KIF16B: variants seen among roughly 807,000 people sequenced by gnomAD.
The protein encoded by KIF16B is kinesin family member 16B.
A neutral mutation model predicts 156.3 loss-of-function variants in KIF16B; 98 were observed. The ratio of observed to expected loss-of-function variants is 0.63; its 90% confidence interval spans 0.53 to 0.74. The LOEUF (loss-of-function observed/expected upper bound fraction) is 0.74, where lower values mean the gene tolerates loss of function less well. Ranked by LOEUF, KIF16B falls within the 30% of genes least tolerant of loss-of-function variation. KIF16B has a pLI of 0.00. For missense variants in KIF16B, 1,421 were observed against 1,606.5 expected (o/e 0.88, Z 1.97); for synonymous variants, 564 against 583.7 (o/e 0.97, Z 0.49).
chr20:16,336,262 T>G (rs2064034805), intron 23 of KIF16B, among the ~76,000 whole-genome samples: 1 of 152,204 alleles, frequency 6.6e-6, no homozygotes, highest in South Asian at 2.1e-4. Flanking sequence ...GGGCAGATGG[T>G]CATCTCTTAA....
At chr20:16,432,442 CTAAACATA>C (rs2066527216) in intron 12 of KIF16B, among the ~76,000 whole-genome samples, 1 of 152,136 alleles carries the variant, frequency 6.6e-6, no homozygotes, top group South Asian at 2.1e-4. Context: ...CAACACAGCC[CTAAACATA>C]AATACGATTC....
intron 12 of KIF16B, among the ~76,000 whole-genome samples, chr20:16,465,767 TA>T (rs11484109): frequency 1.5e-3 from 222 of 146,986 alleles, no homozygotes; most frequent in Middle Eastern, 7.0e-3. Flanking sequence ...TCCTCTCACT[TA>T]AAAAAAAAAA....
intron 25 of KIF16B, among the ~76,000 whole-genome samples, chr20:16,300,808 G>A (rs2063460867): frequency 6.6e-6 from 1 of 152,162 alleles, no homozygotes; most frequent in African/African-American, 2.4e-5. Flanking sequence ...TGGCATATTT[G>A]TTAGGACTGA....
At chr20:16,303,552 A>C (rs1190304167) in intron 25 of KIF16B, among the ~76,000 whole-genome samples, 1 of 152,202 alleles carries the variant, frequency 6.6e-6, no homozygotes, top group Non-Finnish European at 1.5e-5. Flanking sequence ...TCTCATTTTG[A>C]ATTTTTTTGT....
At chr20:16,447,168 C>T (rs1600420171) in intron 12 of KIF16B, among the ~76,000 whole-genome samples, 1 of 152,044 alleles carries the variant, frequency 6.6e-6, no homozygotes, top group Non-Finnish European at 1.5e-5. Context: ...TAGATGTGGG[C>T]CACGTAGAAC....
At chr20:16,404,756 G>A in intron 17 of KIF16B, 57 bp downstream of exon 17, 1 of 1,313,222 alleles carries the variant, frequency 7.6e-7, no homozygotes, top group Non-Finnish European at 1.1e-6. Context: ...TAATGGAGTT[G>A]GCACAATAAA....
chr20:16,367,866 C>T, intron 22 of KIF16B: 1 of 1,568,272 alleles, frequency 6.4e-7, no homozygotes, highest in South Asian at 1.2e-5. Context: ...ATACAGTGAG[C>T]AGAAGACCCT....
At chr20:16,488,771 A>G (rs1473882638) in intron 12 of KIF16B, among the ~76,000 whole-genome samples, 2 of 152,192 alleles carry the variant, frequency 1.3e-5, no homozygotes, top group African/African-American at 2.4e-5. Context: ...CCCAGTTCCA[A>G]GAGAATCACT....
At chr20:16,373,794 C>A (rs1311393906) in intron 20 of KIF16B, among the ~76,000 whole-genome samples, 1 of 152,254 alleles carries the variant, frequency 6.6e-6, no homozygotes, top group African/African-American at 2.4e-5. Flanking sequence ...CAGGTTTGAA[C>A]AGCACATGTC....
intron 17 of KIF16B, 121 bp downstream of exon 17, chr20:16,404,692 G>T: frequency 1.5e-6 from 1 of 685,298 alleles, no homozygotes; most frequent in Non-Finnish European, 2.6e-6. Context: ...AATGACGGTG[G>T]CTGATTTGAT....
chr20:16,290,264 G>C (rs1033996823), intron 25 of KIF16B, among the ~76,000 whole-genome samples: 2 of 152,198 alleles, frequency 1.3e-5, no homozygotes, highest in Admixed American at 1.3e-4. Context: ...AGGAGTAGTT[G>C]TACATTATTT....
At chr20:16,446,285 T>C (rs2066928837) in intron 12 of KIF16B, among the ~76,000 whole-genome samples, 1 of 152,242 alleles carries the variant, frequency 6.6e-6, no homozygotes, top group African/African-American at 2.4e-5. Context: ...ATGAGAACAA[T>C]GCCAAGCATT....
intron 12 of KIF16B, among the ~76,000 whole-genome samples, chr20:16,431,324 A>T (rs764976037): frequency 2.6e-5 from 4 of 152,178 alleles, no homozygotes; most frequent in Admixed American, 6.5e-5. Context: ...AGTGAGACAA[A>T]AGCCAAAGTC....
At chr20:16,410,358 G>T (rs546498941) in intron 15 of KIF16B, among the ~76,000 whole-genome samples, 2 of 149,724 alleles carry the variant, frequency 1.3e-5, no homozygotes, top group African/African-American at 4.9e-5. Flanking sequence ...TATATATAGA[G>T]AGAGAGACAT....
At chr20:16,552,549 CA>C (rs1257101598) in intron 1 of KIF16B, among the ~76,000 whole-genome samples, 1 of 152,122 alleles carries the variant, frequency 6.6e-6, no homozygotes, top group Non-Finnish European at 1.5e-5. Context: ...CTGTTAGACC[CA>C]ACCCCCCACC....
chr20:16,413,854 C>T (rs1273647581), intron 15 of KIF16B, among the ~76,000 whole-genome samples: 1 of 151,848 alleles, frequency 6.6e-6, no homozygotes, highest in African/African-American at 2.4e-5. Context: ...CAGGAACATA[C>T]AATTTTCTGA....
chr20:16,444,479 T>C (rs966180699), intron 12 of KIF16B, among the ~76,000 whole-genome samples: 5 of 152,240 alleles, frequency 3.3e-5, no homozygotes, highest in African/African-American at 4.8e-5. Flanking sequence ...TCCATGTTCA[T>C]TCATTTACAA....
At chr20:16,450,244 A>G (rs892033467) in intron 12 of KIF16B, among the ~76,000 whole-genome samples, 5 of 152,160 alleles carry the variant, frequency 3.3e-5, no homozygotes, top group African/African-American at 1.2e-4. Context: ...AAAGACACAA[A>G]TACCTATACA....
chr20:16,330,242 T>C (rs1027020203), intron 24 of KIF16B, among the ~76,000 whole-genome samples: 4 of 152,228 alleles, frequency 2.6e-5, no homozygotes, highest in African/African-American at 9.6e-5. Context: ...CCCAAATGTA[T>C]ATAAAGTATT....
Sources: allele counts gnomAD v4.1 joint callset (sites outside exome capture counted in the v4.1 genomes callset), GRCh38; gene constraint gnomAD v4.1.1; transcripts MANE v1.5; gene names NCBI Gene and HGNC (gene_info 2026-07-23, HGNC 2026-07-21).